Variants in SBNO1 observed in about 807,000 individuals in gnomAD.
SBNO1 encodes the protein protein strawberry notch homolog 1.
SBNO1 carries 23 observed loss-of-function variants against 173.6 expected under a neutral mutation model. That is an observed-to-expected ratio of 0.13 (90% CI 0.10 to 0.19). SBNO1 has a LOEUF of 0.19. Among genes scored for constraint, SBNO1 ranks in the 10% least tolerant of loss-of-function variants. SBNO1 has a pLI of 1.00. For missense variants in SBNO1, 1,238 were observed against 1,671.2 expected (o/e 0.74, Z 4.52); for synonymous variants, 632 against 571.5 (o/e 1.11, Z -1.51).
rs2048999417 is a variant in SBNO1 at position 123,309,324 on chromosome 12, A to G, written c.3616T>C (p.Tyr1206His). 2.5e-6 allele frequency: 4 copies of G among 1,613,700 alleles called. No individual in the cohort carries two copies. Among genetic ancestry groups the G allele is most frequent in the Non-Finnish European group, 3.4e-6 (4 of 1,179,696 alleles). Residue 1206 changes from tyrosine to histidine, a missense_variant, in exon 28 of 32, where the codon TAC becomes CAC. This residue lies in a region of SBNO1 where 351 missense variants were observed against 420.3 expected (regional missense o/e 0.84). Transcript: ENST00000602398. ...AELTGPDDGF[Y>H]LSLQIRNNKK... is the part of the protein sequence containing the mutation. ...AAAAGTCGTACTTGCAATGACAAGT[A>G]AAAGCCATCGTCTGGTCCTGTCAGC...
chr12:123,352,074 T>C (rs1170755449), intron 1 of SBNO1, among the ~76,000 whole-genome samples: 10 of 1,480 alleles, frequency 6.8e-3, no homozygotes, highest in Non-Finnish European at 0.016. Flanking sequence ...CTGCCATGGA[T>C]TTTTACCCAT....
chr12:123,303,922 C>CTT (rs11413728), intron 29 of SBNO1, among the ~76,000 whole-genome samples: 2,940 of 100,444 alleles, frequency 0.029, 271 homozygotes, highest in East Asian at 0.065. Context: ...AATAAGTATT[C>CTT]TTTTTTTTTT....
chr12:123,303,590 A>C (rs1197311121), intron 29 of SBNO1, among the ~76,000 whole-genome samples: 16 of 152,224 alleles, frequency 1.1e-4, no homozygotes, highest in Admixed American at 1.0e-3. Flanking sequence ...CGGAGGTTAC[A>C]GTGAGCCAAG....
intron 6 of SBNO1, 121 bp from the exon 7 acceptor site, chr12:123,334,334 T>TTTTTA (rs760099889): frequency 2.6e-5 from 17 of 650,072 alleles, no homozygotes; most frequent in Non-Finnish European, 4.1e-5. Context: ...AAGTATTCAC[T>TTTTTA]CTGAGCTTCC....
chr12:123,347,022 G>T (rs1019523968), intron 3 of SBNO1, among the ~76,000 whole-genome samples: 5 of 147,334 alleles, frequency 3.4e-5, no homozygotes, highest in African/African-American at 5.0e-5. Flanking sequence ...AGGTTGCAGC[G>T]AGCCGAGATG....
At chr12:123,324,886 G>A (rs1416921781) in intron 15 of SBNO1, among the ~76,000 whole-genome samples, 2 of 151,830 alleles carry the variant, frequency 1.3e-5, no homozygotes, top group South Asian at 2.1e-4. Flanking sequence ...TTGGCTCACT[G>A]CAACCTCCAC....
intron 24 of SBNO1, among the ~76,000 whole-genome samples, chr12:123,313,200 TAAAATAAATAAA>T (rs1305169996): frequency 5.9e-4 from 73 of 122,904 alleles, no homozygotes; most frequent in Non-Finnish European, 9.4e-4. Context: ...GACTCGGTCT[TAAAATAAATAAA>T]TAAATAAATA....
chr12:123,354,330 C>A (rs1030398566), intron 1 of SBNO1, among the ~76,000 whole-genome samples: 2 of 152,014 alleles, frequency 1.3e-5, no homozygotes, highest in Non-Finnish European at 2.9e-5. Flanking sequence ...TGATGAATGA[C>A]CTGGGAATAA....
In SBNO1 at chr12:123,294,696, T is replaced by TA. The variant is rs2048567364; in HGVS notation, c.*1211dup. On this transcript the variant is annotated 3_prime_UTR_variant, in exon 32 of 32. Coordinates refer to ENST00000602398, the MANE Select transcript of SBNO1 (RefSeq NM_001167856.3). The stretch of plus-strand genomic sequence containing the variant: ...AAAAGAAAGAAAAAGAAAGAAAAGA[T>TA]AAAAAGACCAACTGTCCCCTCACTT... 2 of 87,848 alleles carry TA rather than the reference T, an allele frequency of 2.3e-5. No homozygotes were observed. The highest frequency in any genetic ancestry group is 2.2e-4 in the Admixed American group (2 of 8,920). 5.4% of individuals were successfully genotyped at this position (87,848 alleles called of 1,614,324 possible).
At chr12:123,307,100 G>T (rs556956754) in intron 28 of SBNO1, among the ~76,000 whole-genome samples, 6 of 151,202 alleles carry the variant, frequency 4.0e-5, no homozygotes, top group Non-Finnish European at 8.8e-5. Flanking sequence ...GAGGTGGGAG[G>T]ATTGTCTGAG....
intron 1 of SBNO1, chr12:123,364,149 C>T (rs914619187): frequency 7.1e-6 from 7 of 985,444 alleles, no homozygotes; most frequent in African/African-American, 1.7e-5. Flanking sequence ...GGCTTCCCCA[C>T]CGCCCCAAGA....
rs1185685286 is a variant in SBNO1 at position 123,336,468 on chromosome 12, A to G, written c.675T>C (p.Asp225=). 1 of 1,612,310 alleles carries G rather than the reference A, an allele frequency of 6.2e-7. No homozygotes were observed. The highest frequency in any genetic ancestry group is 8.5e-7 in the Non-Finnish European group (1 of 1,179,174). ...CTTCATCTTCTTCCTCTGGTTCATC[A>G]TCTTCTTTTACAACAGGAACCTTCT... is the stretch of plus-strand genomic sequence containing the variant. ...PTMKVPVVKE[D]DEPEEEDEEE... The change falls in exon 6 of 32, where the codon GAT becomes GAC. Residue 225 remains aspartate (D), a synonymous_variant. Transcript: ENST00000602398.
Position 123,320,516 on chromosome 12 carries a change from C to T in SBNO1, c.2583G>A (p.Lys861=), listed in dbSNP as rs758567991. Residue 861 remains lysine (K), a synonymous_variant, in exon 19 of 32, where the codon AAG becomes AAA. Coordinates refer to ENST00000602398, the MANE Select transcript of SBNO1 (RefSeq NM_001167856.3). ...GGAGGTCTTCAGCTAATTTTTCTAG[C>T]TTATCAAGCAGGTCTTTCTTCATCT... ...AQQMKKDLLD[K]LEKLAEDLPP... The T allele has an allele frequency of 1.2e-6, 2 of 1,614,074 alleles. No homozygotes were observed. Among genetic ancestry groups the T allele is most frequent in the Admixed American group, 1.7e-5 (1 of 60,010 alleles).
intron 5 of SBNO1, among the ~76,000 whole-genome samples, chr12:123,337,075 T>A (rs1285890429): frequency 6.6e-6 from 1 of 152,160 alleles, no homozygotes; most frequent in Non-Finnish European, 1.5e-5. Flanking sequence ...ACAGAAAAAT[T>A]TACTTCAGAC....
At chr12:123,338,043 A>G (rs575180245) in intron 5 of SBNO1, among the ~76,000 whole-genome samples, 2 of 152,282 alleles carry the variant, frequency 1.3e-5, no homozygotes, top group South Asian at 4.1e-4. Context: ...GGTCAAAGAG[A>G]TAACTCGGGT....
rs1354927455 is a variant in SBNO1, at chr12:123,327,523, A to G, written c.1595T>C (p.Ile532Thr). The change falls in exon 13 of 32, where the codon ATT (isoleucine) becomes ACT (threonine). Residue 532 changes from isoleucine (I) to threonine (T), a missense_variant. Physicochemically the swap from Ile to Thr is moderately conservative, Grantham distance 89. This residue lies in a region of SBNO1 where 182 missense variants were observed against 339.9 expected (regional missense o/e 0.54). Coordinates refer to ENST00000602398, the MANE Select transcript of SBNO1 (RefSeq NM_001167856.3). ...AMDMKLRGMYIARQLSFTGVT... is the reference protein window; with the variant it reads ...AMDMKLRGMYTARQLSFTGVT... ...TCCAGTAAAGCTCAGTTGTCGAGCAATGTACATTCCTCTAAGCTTCATATC... is the reference window on the plus strand; with the variant it reads ...TCCAGTAAAGCTCAGTTGTCGAGCAGTGTACATTCCTCTAAGCTTCATATC... The G allele has an allele frequency of 6.2e-7, 1 of 1,613,950 alleles. No individual in the cohort carries two copies. Among genetic ancestry groups the G allele is most frequent in the South Asian group, 1.1e-5 (1 of 91,074 alleles).
rs1323820826 is a variant in SBNO1, at chr12:123,348,073, G to C, written c.193C>G (p.Gln65Glu). The C allele has an allele frequency of 1.9e-6, 3 of 1,611,718 alleles. No homozygotes were observed. The highest frequency in any genetic ancestry group is 2.5e-6 in the Non-Finnish European group (3 of 1,178,236). ...GGAGTAGGTACAGTCTCTGGTTCTT[G>C]TTTAACAGGAACTGCTGCTTCGGTC... ...LETEAAVPVK[Q>E]EPETVPTPAL... The change falls in exon 3 of 32, where the codon CAA (glutamine) becomes GAA (glutamate). Residue 65 changes from glutamine (Q) to glutamate (E), a missense_variant. Coordinates refer to ENST00000602398, the MANE Select transcript of SBNO1 (RefSeq NM_001167856.3).
At chr12:123,304,992 T>A (rs952712525) in intron 28 of SBNO1, among the ~76,000 whole-genome samples, 2 of 152,192 alleles carry the variant, frequency 1.3e-5, no homozygotes, top group Non-Finnish European at 2.9e-5. Flanking sequence ...TGCACAAATG[T>A]CCAACACAGA....
intron 1 of SBNO1, chr12:123,363,963 T>C (rs1875740710): frequency 1.0e-6 from 1 of 985,518 alleles, no homozygotes; most frequent in Non-Finnish European, 1.2e-6. Context: ...CGGTATCCAC[T>C]GCTTTGGGGA....
Sources: gnomAD v4.1 joint callset for allele counts (sites outside exome capture counted in the v4.1 genomes callset) on GRCh38, gnomAD v4.1.1 for gene constraint, gnomAD v4.1.1 regional missense constraint, MANE v1.5 for transcripts, NCBI Gene and HGNC (gene_info 2026-07-23, HGNC 2026-07-21) for gene names.